SUPT20H: variants seen among roughly 807,000 people sequenced by gnomAD.
SUPT20H encodes transcription factor SPT20 homolog.
In SUPT20H, 82 loss-of-function variants were observed where a neutral mutation model predicts 122.8. The observed-to-expected ratio is 0.67, with a 90% CI of 0.56 to 0.80. The LOEUF (loss-of-function observed/expected upper bound fraction) is 0.80. Ranked by LOEUF, SUPT20H falls within the 30% of genes least tolerant of loss-of-function variation. The pLI, the probability that SUPT20H is intolerant of heterozygous loss-of-function variation, is 0.00. For synonymous variants in SUPT20H, 291 were observed against 313.0 expected, an observed-to-expected ratio of 0.93 and a Z score of 0.74; for missense variants, 831 against 921.6, an observed-to-expected ratio of 0.90 and a Z score of 1.27.
chr13:37,016,300 CAT>C (rs2060476946), intron 23 of SUPT20H, among the ~76,000 whole-genome samples: 1 of 151,850 alleles, frequency 6.6e-6, no homozygotes, highest in Non-Finnish European at 1.5e-5. Context: ...CGTGGTGGCA[CAT>C]GTCTGTAGCG....
At chr13:37,045,433 CT>C in intron 5 of SUPT20H, 60 bp from the exon 6 acceptor site, 1 of 1,579,472 alleles carries the variant, frequency 6.3e-7, no homozygotes, top group Non-Finnish European at 8.6e-7. Flanking sequence ...ACAAATAATG[CT>C]ATGATTTAAC....
In SUPT20H at chr13:37,058,829, A is replaced by G. The variant is rs541450618; in HGVS notation, c.-94+730T>C. 1.7e-4 allele frequency among the ~76,000 whole-genome samples: 26 copies of G among 152,342 alleles called. No homozygotes were observed. The South Asian group carries it at 5.2e-3, about 30-fold the overall frequency. ...AGCAAAGCAATTAAAAAAAGGACCCAATTCTGCTCAGAGACGAATATGTAT... is the reference window on the plus strand; with the variant it reads ...AGCAAAGCAATTAAAAAAAGGACCCGATTCTGCTCAGAGACGAATATGTAT... On this transcript the variant is annotated intron_variant, in intron 1 of 25. Transcript: ENST00000350612.
intron 23 of SUPT20H, among the ~76,000 whole-genome samples, chr13:37,014,772 T>A (rs2060152843): frequency 6.6e-6 from 1 of 152,140 alleles, no homozygotes; most frequent in East Asian, 1.9e-4. Flanking sequence ...AATCTAAGCT[T>A]CCACTTACGA....
chr13:37,022,416 C>G lies in SUPT20H; in HGVS notation c.1592-336G>C. 1 of 1,272,512 alleles carries G rather than the reference C, an allele frequency of 7.9e-7. No individual in the cohort carries two copies. The highest frequency in any genetic ancestry group is 3.0e-5 in the South Asian group (1 of 32,832). 78.8% of individuals were successfully genotyped at this position (1,272,512 alleles called of 1,614,324 possible). A position where few individuals can be genotyped will look rare whatever the true frequency, so the allele number is the denominator to read the frequency against. ...TCTTACTTAGCACTGACAATTTGTT[C>G]TAGTTTTTTTTTTTTTAGCAGTTAA... On this transcript the variant is annotated intron_variant, in intron 19 of 25. Coordinates refer to ENST00000350612, the MANE Select transcript of SUPT20H (RefSeq NM_001014286.3). The surrounding 1 kb of genome is among the most constrained non-coding windows in gnomAD (Gnocchi z 4.5).
chr13:37,053,892 G>C (rs1451151665), intron 1 of SUPT20H, among the ~76,000 whole-genome samples: 2 of 151,970 alleles, frequency 1.3e-5, no homozygotes, highest in African/African-American at 4.8e-5. Flanking sequence ...AAGAAGAAAA[G>C]AGAGAAGAAT....
At chr13:37,009,858 G>A (rs1246112493) in intron 25 of SUPT20H, 49 bp from the exon 26 acceptor site, 2 of 1,570,668 alleles carry the variant, frequency 1.3e-6, no homozygotes, top group East Asian at 2.2e-5. Flanking sequence ...GCAGGCAGGT[G>A]TAGAAAGGTG....
At chr13:37,040,006 C>T (rs888721476) in intron 9 of SUPT20H, 4 of 155,374 alleles carry the variant, frequency 2.6e-5, no homozygotes, top group African/African-American at 9.7e-5. Context: ...AAGAGAGTTC[C>T]CCTCATTTCA....
At chr13:37,047,414 G>A (rs1176798870) in intron 5 of SUPT20H, 121 bp downstream of exon 5, 4 of 1,111,394 alleles carry the variant, frequency 3.6e-6, no homozygotes, top group African/African-American at 1.7e-5. Flanking sequence ...ATTGACTAGG[G>A]TCAGGTTAAA....
chr13:37,048,744 T>TAC lies in SUPT20H; in HGVS notation c.4-146_4-145insGT, dbSNP rs1301600749. 21 of 570,580 alleles carry TAC rather than the reference T, an allele frequency of 3.7e-5. No homozygotes were observed. In the African/African-American group the frequency reaches 3.8e-4, roughly 10 times the overall value. 35.3% of individuals were successfully genotyped at this position (570,580 alleles called of 1,614,324 possible). ...CCTCCACTCCACTCTATGATCAATATATATATAACAAAGAAAAAATATGAG... is the reference window on the plus strand; with the variant it reads ...CCTCCACTCCACTCTATGATCAATATACATATATAACAAAGAAAAAATATGAG... On this transcript the variant is annotated intron_variant, in intron 2 of 25. Transcript: ENST00000350612.
chr13:37,056,376 CAAT>C (rs2069034024), intron 1 of SUPT20H, among the ~76,000 whole-genome samples: 1 of 152,154 alleles, frequency 6.6e-6, no homozygotes, highest in African/African-American at 2.4e-5. Context: ...AAATGTCCAA[CAAT>C]GATAGACTGG....
At chr13:37,015,750 T>C (rs527998007) in intron 23 of SUPT20H, among the ~76,000 whole-genome samples, 2 of 152,226 alleles carry the variant, frequency 1.3e-5, no homozygotes, top group African/African-American at 4.8e-5. Flanking sequence ...CTAGCATTAT[T>C]TACAATAGCC....
intron 1 of SUPT20H, among the ~76,000 whole-genome samples, chr13:37,058,639 T>G (rs1409988884): frequency 6.6e-6 from 1 of 152,184 alleles, no homozygotes. Context: ...ACTGTAATCA[T>G]TATCATTTCC....
At chr13:37,037,041 A>C (rs2064576701) in intron 9 of SUPT20H, among the ~76,000 whole-genome samples, 1 of 151,972 alleles carries the variant, frequency 6.6e-6, no homozygotes, top group Admixed American at 6.5e-5. Context: ...CCAAAAATAA[A>C]AAAAAATTAG....
intron 23 of SUPT20H, among the ~76,000 whole-genome samples, chr13:37,015,086 G>A (rs1236370965): frequency 6.6e-6 from 1 of 151,646 alleles, no homozygotes; most frequent in Non-Finnish European, 1.5e-5. Flanking sequence ...AAATGCTTCA[G>A]GACATTGGAT....
At position 37,024,928 on chromosome 13, in the gene SUPT20H, C is replaced by T. The variant is rs970254526; in HGVS notation, c.1329+392G>A. 8.9e-5 allele frequency: 17 copies of T among 190,654 alleles called. No individual in the cohort carries two copies. The East Asian group carries it at 1.5e-3, about 17-fold the overall frequency. The allele number at this position is 190,654 out of a possible 1,614,324, so 11.8% of individuals were successfully genotyped here. A position where few individuals can be genotyped will look rare whatever the true frequency, so the allele number is the denominator to read the frequency against. ...TAGAAACAAAACTAAACTGTACCCC[C>T]GCTCCTCAAAAAATGATTCTTTTTT... is the stretch of plus-strand genomic sequence containing the variant. On this transcript the variant is annotated intron_variant, in intron 17 of 25. Coordinates refer to ENST00000350612, the MANE Select transcript of SUPT20H (RefSeq NM_001014286.3).
chr13:37,021,636 C>T (rs2061469351), intron 20 of SUPT20H, 34 bp from the exon 21 acceptor site: 2 of 1,560,496 alleles, frequency 1.3e-6, no homozygotes, highest in South Asian at 1.2e-5. Context: ...TTAAACTTCA[C>T]TGTAAAAGGA....
chr13:37,045,182 T>G lies in SUPT20H; in HGVS notation c.292+65A>C, dbSNP rs558750743. The G allele has an allele frequency of 6.9e-6, 11 of 1,596,182 alleles. No homozygotes were observed. The Admixed American group carries it at 7.2e-5, about 10-fold the overall frequency. ...GCTTTAGCAGGTTAAAAAACTACTT[T>G]AAAAAAACCGCACATCCTGCCTAGC... On this transcript the variant is annotated intron_variant, in intron 6 of 25. Coordinates refer to ENST00000350612, the MANE Select transcript of SUPT20H (RefSeq NM_001014286.3).
At position 37,022,983 on chromosome 13, in the gene SUPT20H, A is replaced by ACAAAAAC. The variant is rs1237735808; in HGVS notation, c.1592-910_1592-904dup. The ACAAAAAC allele has an allele frequency of 8.1e-4, 1,022 of 1,260,860 alleles. 19 individuals carry two copies. In the Admixed American group the frequency reaches 0.026, roughly 32 times the overall value. The allele number at this position is 1,260,860 out of a possible 1,614,324, so 78.1% of individuals were successfully genotyped here. On this transcript the variant is annotated intron_variant, in intron 19 of 25. Transcript: ENST00000350612. This position sits in a 1 kb window ranked among gnomAD's most constrained non-coding sequence, Gnocchi z 4.5. ...ATTTTTTAAAAAACAAAAACAAAAA[A>ACAAAAAC]CAAAAACCAAAAAAGTAAAACCAAA...
Position 37,033,527 on chromosome 13 carries a change from T to C in SUPT20H, c.629A>G (p.Asp210Gly), listed in dbSNP as rs373386513. ...AGTGCAGGTGACTGCTATAGAAGGA[T>C]CAAGACAGAGTGGTTCAGCTGTAGC... ...ILATAEPLCL[D>G]PSIAVTCTAN... Residue 210 changes from aspartate to glycine, a missense_variant, in exon 10 of 26, where the codon GAT becomes GGT. Transcript: ENST00000350612. 6.2e-7 allele frequency: 1 copy of C among 1,613,742 alleles called. No individual in the cohort carries two copies. The highest frequency in any genetic ancestry group is 8.5e-7 in the Non-Finnish European group (1 of 1,179,826).
Sources: gnomAD v4.1 joint callset for allele counts (sites outside exome capture counted in the v4.1 genomes callset) on GRCh38, gnomAD v4.1.1 for gene constraint, Gnocchi (gnomAD v3.1) non-coding constraint, MANE v1.5 for transcripts, NCBI Gene and HGNC (gene_info 2026-07-23, HGNC 2026-07-21) for gene names.